DLG2: variants seen among roughly 807,000 people sequenced by gnomAD.
The protein encoded by DLG2 is discs large MAGUK scaffold protein 2.
DLG2 carries 45 observed loss-of-function variants against 132.5 expected under a neutral mutation model. That is an observed-to-expected ratio of 0.34 (90% CI 0.27 to 0.44). DLG2 has a LOEUF of 0.44. DLG2 is among the 20% of genes least tolerant of loss of function. The pLI, the probability that DLG2 is intolerant of heterozygous loss-of-function variation, is 1.00. For synonymous variants in DLG2, 424 were observed against 419.6 expected (o/e 1.01, Z -0.13); for missense variants, 1,045 against 1,196.9 (o/e 0.87, Z 1.87).
chr11:84,646,604 T>C (rs979823008), intron 6 of DLG2, among the ~76,000 whole-genome samples: 4 of 148,632 alleles, frequency 2.7e-5, no homozygotes, highest in Non-Finnish European at 3.0e-5. Context: ...AGCTTCATAA[T>C]GTAAAAAGAA....
At chr11:83,674,065 C>T (rs926612117) in intron 18 of DLG2, among the ~76,000 whole-genome samples, 10 of 151,982 alleles carry the variant, frequency 6.6e-5, no homozygotes, top group African/African-American at 1.9e-4. Context: ...TAATTGTAGC[C>T]GTAAGTTCTT....
intron 6 of DLG2, among the ~76,000 whole-genome samples, chr11:84,830,130 A>G (rs2078841212): frequency 6.6e-6 from 1 of 151,626 alleles, no homozygotes; most frequent in Non-Finnish European, 1.5e-5. Flanking sequence ...GCTTAGTGAT[A>G]TTTACTCTTA....
intron 6 of DLG2, among the ~76,000 whole-genome samples, chr11:85,027,080 G>T (rs975229298): frequency 6.7e-6 from 1 of 150,108 alleles, no homozygotes; most frequent in Admixed American, 6.6e-5. Flanking sequence ...GGTGTCAGTC[G>T]CTAAAAGAAA....
chr11:84,984,464 A>G (rs1324638521), intron 6 of DLG2, among the ~76,000 whole-genome samples: 1 of 152,198 alleles, frequency 6.6e-6, no homozygotes, highest in Non-Finnish European at 1.5e-5. Flanking sequence ...CCAGCACTAC[A>G]AGAACTGCTA....
intron 16 of DLG2, among the ~76,000 whole-genome samples, chr11:83,851,982 G>C (rs909805393): frequency 6.6e-6 from 1 of 151,418 alleles, no homozygotes; most frequent in Non-Finnish European, 1.5e-5. Context: ...AATGCCATAA[G>C]AAGATGGAGG....
chr11:84,821,990 C>G (rs10898302), intron 6 of DLG2, among the ~76,000 whole-genome samples: 1 of 151,678 alleles, frequency 6.6e-6, no homozygotes, highest in Non-Finnish European at 1.5e-5. Flanking sequence ...CTGCCAAATG[C>G]TATTGTTATT....
intron 19 of DLG2, among the ~76,000 whole-genome samples, chr11:83,600,522 A>G (rs1486315749): frequency 1.3e-5 from 2 of 152,230 alleles, no homozygotes; most frequent in Non-Finnish European, 2.9e-5. Flanking sequence ...TCGTAGCTAC[A>G]TACAGTCAAG....
intron 10 of DLG2, among the ~76,000 whole-genome samples, chr11:84,083,660 G>C (rs544880769): frequency 3.3e-5 from 5 of 152,162 alleles, no homozygotes; most frequent in Non-Finnish European, 5.9e-5. Flanking sequence ...TTGTGTACTT[G>C]ATCCTGCTTC....
At chr11:83,629,952 A>G (rs1397338991) in intron 19 of DLG2, among the ~76,000 whole-genome samples, 1 of 152,176 alleles carries the variant, frequency 6.6e-6, no homozygotes, top group African/African-American at 2.4e-5. Context: ...ATGTTTCACA[A>G]TGCAGGAAAT....
At chr11:83,766,526 T>C (rs1173989768) in intron 18 of DLG2, among the ~76,000 whole-genome samples, 2 of 151,206 alleles carry the variant, frequency 1.3e-5, no homozygotes, top group Non-Finnish European at 2.9e-5. Flanking sequence ...TGAGGAAAAA[T>C]GAGATTGTGT....
chr11:83,790,781 C>CT, intron 17 of DLG2: 2 of 759,036 alleles, frequency 2.6e-6, no homozygotes, highest in Admixed American at 3.5e-5. Context: ...CTGCCTGACT[C>CT]TCATCTTCGG....
At chr11:83,983,762 G>C (rs2093006447) in intron 11 of DLG2, among the ~76,000 whole-genome samples, 1 of 151,990 alleles carries the variant, frequency 6.6e-6, no homozygotes, top group African/African-American at 2.4e-5. Context: ...TTTACAATTT[G>C]TTTATTAAGC....
At chr11:84,189,049 C>G (rs1172344677) in intron 8 of DLG2, among the ~76,000 whole-genome samples, 1 of 152,084 alleles carries the variant, frequency 6.6e-6, no homozygotes, top group Admixed American at 6.6e-5. Context: ...CTACCAGGTT[C>G]TGGAAATATT....
chr11:83,724,815 G>A (rs1288800840), intron 18 of DLG2: 1 of 702,136 alleles, frequency 1.4e-6, no homozygotes, highest in Non-Finnish European at 2.6e-6. Context: ...CACATGGTCT[G>A]TCAAGAGAAA....
At chr11:84,215,661 C>A (rs557758590) in intron 8 of DLG2, among the ~76,000 whole-genome samples, 11 of 152,218 alleles carry the variant, frequency 7.2e-5, no homozygotes, top group African/African-American at 2.4e-4. Context: ...AATGATGTTA[C>A]TAGTGAGCAT....
intron 7 of DLG2, among the ~76,000 whole-genome samples, chr11:84,378,557 C>G (rs992902717): frequency 2.0e-5 from 3 of 151,998 alleles, no homozygotes; most frequent in African/African-American, 7.2e-5. Flanking sequence ...AAAATCTCGC[C>G]TGAGAATTTG....
chr11:83,718,431 G>C (rs2087336109), intron 18 of DLG2, among the ~76,000 whole-genome samples: 1 of 150,728 alleles, frequency 6.6e-6, no homozygotes, highest in Admixed American at 6.6e-5. Context: ...GGTTGAGGCA[G>C]GAGAATTGCT....
chr11:85,064,291 C>T (rs641655), intron 6 of DLG2, among the ~76,000 whole-genome samples: 100,735 of 151,632 alleles, frequency 0.66, 34,425 homozygotes, highest in East Asian at 0.93. Flanking sequence ...ATTCTAGGTA[C>T]AAGAAGCTAG....
intron 6 of DLG2, among the ~76,000 whole-genome samples, chr11:84,554,800 G>A (rs957772813): frequency 2.0e-5 from 3 of 152,110 alleles, no homozygotes; most frequent in African/African-American, 7.2e-5. Context: ...GATGCTCCAA[G>A]AGAGCACAAG....
Sources: allele counts gnomAD v4.1 joint callset (sites outside exome capture counted in the v4.1 genomes callset), GRCh38; gene constraint gnomAD v4.1.1; transcripts MANE v1.5; gene names NCBI Gene and HGNC (gene_info 2026-07-23, HGNC 2026-07-21).